The following G6PD variants were observed in gnomAD, a reference collection of about 807,000 sequenced individuals.
The protein encoded by G6PD is glucose-6-phosphate 1-dehydrogenase.
A neutral mutation model predicts 38.2 loss-of-function variants in G6PD; 2 were observed. That is an observed-to-expected ratio of 0.05 (90% CI 0.02 to 0.16). The LOEUF is 0.16. G6PD is among the 10% of genes least tolerant of loss of function. The pLI is 1.00. For missense variants in G6PD, 310 were observed against 471.6 expected (o/e 0.66, Z 3.17); for synonymous variants, 188 against 196.0 (o/e 0.96, Z 0.34).
Position 154,536,618 on chromosome X carries a change from T to C in G6PD, c.121-440A>G, listed in dbSNP as rs186015002. Among the ~76,000 whole-genome samples, 416 of 111,488 alleles carry C rather than the reference T, an allele frequency of 3.7e-3. 6 individuals are homozygous for C. The highest frequency in any genetic ancestry group is 0.013 in the African/African-American group (396 of 30,651). On this transcript the variant is annotated intron_variant, in intron 2 of 12. Transcript: ENST00000393562. The stretch of plus-strand genomic sequence containing the variant: ...GGGAGGCTGAGGCAGGCAGATCACC[T>C]GAAGTCAGGAGTTCAAGACCAGCCA...
intron 2 of G6PD, chrX:154,542,250 C>T (rs782107061): frequency 5.6e-6 from 6 of 1,063,434 alleles, no homozygotes; most frequent in Non-Finnish European, 7.7e-6. Context: ...GCGTCCTGAA[C>T]GCCCATCAAG....
intron 2 of G6PD, among the ~76,000 whole-genome samples, chrX:154,543,576 G>A (rs1186702521): frequency 2.7e-5 from 3 of 112,266 alleles, no homozygotes; most frequent in African/African-American, 9.7e-5. Context: ...AGCATGGGGT[G>A]GGGATGGAGA....
rs368857323 is a variant in G6PD, at chrX:154,542,419, A to G, written c.120+3617T>C. ...AAAGATGCTGTTCCAGGCGCACACT[A>G]GTCTACAAGGCCAGAGCTTTCTGGA... On this transcript the variant is annotated intron_variant, in intron 2 of 12. Transcript: ENST00000393562. The G allele has an allele frequency of 3.4e-4, 408 of 1,195,589 alleles. No homozygotes were observed. Among genetic ancestry groups the G allele is most frequent in the African/African-American group, 8.7e-4 (49 of 56,587 alleles).
At chrX:154,546,659 G>T (rs963005344) in intron 1 of G6PD, 130 bp downstream of exon 1, 3 of 556,928 alleles carry the variant, frequency 5.4e-6, no homozygotes, top group Non-Finnish European at 8.4e-6. Context: ...GGGGTATAAA[G>T]GGATTGGTTA....
chrX:154,547,422 T>A, upstream of G6PD: 4 of 754,734 alleles, frequency 5.3e-6, no homozygotes, highest in Non-Finnish European at 6.3e-6. Context: ...CGAGGGGGCG[T>A]GTAGGCGGTG....
At chrX:154,536,204 G>C (rs2070406962) in intron 2 of G6PD, 26 bp from the exon 3 acceptor site, 1 of 1,205,049 alleles carries the variant, frequency 8.3e-7, no homozygotes, top group East Asian at 3.0e-5. Context: ...CAGGTGTGTG[G>C]TTAGAAGTGG....
chrX:154,532,156 G>A (rs2070344639), intron 12 of G6PD, 32 bp downstream of exon 12: 3 of 1,205,361 alleles, frequency 2.5e-6, no homozygotes, highest in Non-Finnish European at 3.4e-6. Context: ...CTGCCCGCTG[G>A]GCTCTGTCCC....
intron 2 of G6PD, among the ~76,000 whole-genome samples, chrX:154,538,012 A>T (rs868921830): frequency 3.2e-5 from 3 of 94,861 alleles, no homozygotes; most frequent in Non-Finnish European, 4.2e-5. Flanking sequence ...TTTTTTTTTT[A>T]AAGACATGGT....
At position 154,531,862 on chromosome X, in the gene G6PD, G is replaced by A. The variant is rs782648605; in HGVS notation, c.*138C>T. On this transcript the variant is annotated 3_prime_UTR_variant, in exon 13 of 13. Transcript: ENST00000393562. ...GCTGGGCTCGGGTAGTAGCAGCAGC[G>A]AGGGGCGGGCCAGGGTGGCCAGAGC... The A allele has an allele frequency of 1.5e-5, 15 of 1,021,794 alleles. No individual in the cohort carries two copies. The East Asian group carries it at 2.3e-4, about 16-fold the overall frequency. The allele number at this position is 1,021,794 out of a possible 1,213,427, so 84.2% of individuals were successfully genotyped here.
At chrX:154,540,608 A>G (rs2070477999) in intron 2 of G6PD, among the ~76,000 whole-genome samples, 1 of 100,935 alleles carries the variant, frequency 9.9e-6, no homozygotes, top group Non-Finnish European at 2.0e-5. Context: ...ACCAAACTCC[A>G]GCCTGGGTGA....
rs782337570 is a variant in G6PD at position 154,533,689 on chromosome X, G to A, written c.771-20C>T. 6.6e-6 allele frequency: 8 copies of A among 1,211,400 alleles called. No individual in the cohort carries two copies. Among genetic ancestry groups the A allele is most frequent in the Non-Finnish European group, 8.9e-6 (8 of 895,108 alleles). On this transcript the variant is annotated intron_variant, in intron 7 of 12. Coordinates refer to ENST00000393562, the MANE Select transcript of G6PD (RefSeq NM_001360016.2). ...ACGTCCCTGGGGACGGAAGAGGCCAGAGCTCGCCTTAGCTCCCCGCCCTGT... is the reference window on the plus strand; with the variant it reads ...ACGTCCCTGGGGACGGAAGAGGCCAAAGCTCGCCTTAGCTCCCCGCCCTGT...
chrX:154,543,100 A>C (rs782795806), intron 2 of G6PD, among the ~76,000 whole-genome samples: 3 of 112,134 alleles, frequency 2.7e-5, no homozygotes, highest in African/African-American at 9.7e-5. Context: ...GAGCTGTTCC[A>C]GGTGCTGCCT....
intron 5 of G6PD, 76 bp from the exon 6 acceptor site, chrX:154,534,572 A>T: frequency 8.6e-7 from 1 of 1,156,424 alleles, no homozygotes; most frequent in Non-Finnish European, 1.2e-6. Context: ...CATCATTCAG[A>T]CGCCCTCCCA....
At chrX:154,535,442 C>T (rs782309573) in intron 4 of G6PD, 57 bp from the exon 5 acceptor site, 162 of 1,053,509 alleles carry the variant, frequency 1.5e-4, no homozygotes, top group Middle Eastern at 2.5e-4. Flanking sequence ...TCTTTGAGTC[C>T]GTGTGTGTTC....
At chrX:154,535,494 G>A in intron 4 of G6PD, 109 bp from the exon 5 acceptor site, 4 of 723,508 alleles carry the variant, frequency 5.5e-6, no homozygotes, top group East Asian at 7.0e-5. Flanking sequence ...GGTCCAGGGA[G>A]GGTGCCCTCA....
chrX:154,537,706 C>T (rs1344759732), intron 2 of G6PD, among the ~76,000 whole-genome samples: 1 of 112,303 alleles, frequency 8.9e-6, no homozygotes, highest in African/African-American at 3.2e-5. Context: ...GAGAGTGTTG[C>T]CAGTGGGTTC....
chrX:154,539,725 ATTTC>A (rs1457352187), intron 2 of G6PD, among the ~76,000 whole-genome samples: 1 of 109,356 alleles, frequency 9.1e-6, no homozygotes, highest in Non-Finnish European at 1.9e-5. Context: ...CATGACATGT[ATTTC>A]TTTTTTTTTT....
intron 2 of G6PD, among the ~76,000 whole-genome samples, chrX:154,536,451 T>C (rs1388622367): frequency 1.8e-5 from 2 of 112,255 alleles, no homozygotes; most frequent in African/African-American, 6.5e-5. Flanking sequence ...AGAAGTACCA[T>C]GTAGCCACAT....
chrX:154,542,742 C>A (rs782325812), intron 2 of G6PD, among the ~76,000 whole-genome samples: 2 of 112,065 alleles, frequency 1.8e-5, no homozygotes, highest in Non-Finnish European at 3.8e-5. Context: ...CGGGCATTTG[C>A]TCTTCCTTCT....
Sources: gnomAD v4.1 joint callset for allele counts (sites outside exome capture counted in the v4.1 genomes callset) on GRCh38, gnomAD v4.1.1 for gene constraint, MANE v1.5 for transcripts, NCBI Gene and HGNC (gene_info 2026-07-23, HGNC 2026-07-21) for gene names.